Variants in TNFSF8 observed in about 807,000 individuals in gnomAD.
TNFSF8 encodes the protein TNF superfamily member 8.
In TNFSF8, 4 loss-of-function variants were observed where a neutral mutation model predicts 22.0. The observed-to-expected ratio is 0.18, with a 90% confidence interval of 0.09 to 0.42. The LOEUF is 0.42. TNFSF8 is among the 10% of genes least tolerant of loss of function. The probability of loss-of-function intolerance (pLI) is 1.00; values close to 1 mark genes in which losing one functional copy is unlikely to be tolerated. For missense variants in TNFSF8, 233 were observed against 281.8 expected (o/e 0.83, Z 1.24); for synonymous variants, 106 against 112.5 (o/e 0.94, Z 0.37).
exon 5 of TNFSF8, chr9:114,893,823 TGG>T: frequency 2.3e-6 from 1 of 444,170 alleles, no homozygotes; most frequent in Non-Finnish European, 4.1e-6. Flanking sequence ...TGATTAATTC[TGG>T]GAAGGAAATG....
At chr9:114,915,518 G>GCCT (rs1827907922) in intron 2 of TNFSF8, among the ~76,000 whole-genome samples, 1 of 152,184 alleles carries the variant, frequency 6.6e-6, no homozygotes, top group South Asian at 2.1e-4. Flanking sequence ...GTCAGGTACT[G>GCCT]CCTCCAGCAG....
intron 2 of TNFSF8, among the ~76,000 whole-genome samples, chr9:114,912,643 C>G (rs1030367004): frequency 3.3e-5 from 5 of 152,246 alleles, no homozygotes; most frequent in Non-Finnish European, 7.3e-5. Context: ...CCCGCCTCAG[C>G]CTCCCAAAGT....
chr9:114,919,158 T>C (rs1243133036), intron 1 of TNFSF8, among the ~76,000 whole-genome samples: 2 of 152,152 alleles, frequency 1.3e-5, no homozygotes, highest in Non-Finnish European at 2.9e-5. Flanking sequence ...GAGGACACCA[T>C]ACATAATTAA....
Position 114,904,303 on chromosome 9 carries a change from G to A in TNFSF8, c.333C>T (p.Thr111=), listed in dbSNP as rs149631713. Reference sequence around the variant, plus strand: ...TGCCATCTTTGTTCCAAGACAACTTGGTTTTGTTTAGATGCTTTGCCACTA... The same window carrying A: ...TGCCATCTTTGTTCCAAGACAACTTAGTTTTGTTTAGATGCTTTGCCACTA... The part of the protein sequence containing the change: ...YLQVAKHLNK[T]KLSWNKDGIL... Residue 111 remains threonine, a synonymous_variant, in exon 4 of 4, where the codon ACC becomes ACT. Transcript: ENST00000223795. 69 of 1,610,050 alleles carry A rather than the reference G, an allele frequency of 4.3e-5. No individual in the cohort carries two copies. The highest frequency in any genetic ancestry group is 5.5e-5 in the Non-Finnish European group (65 of 1,177,456).
At chr9:114,912,582 G>A (rs768155421) in intron 2 of TNFSF8, among the ~76,000 whole-genome samples, 1 of 152,116 alleles carries the variant, frequency 6.6e-6, no homozygotes, top group Non-Finnish European at 1.5e-5. Context: ...TTGAAGACAG[G>A]GTTTCACCAT....
At chr9:114,929,198 C>A (rs1428629342) in intron 1 of TNFSF8, among the ~76,000 whole-genome samples, 1 of 152,150 alleles carries the variant, frequency 6.6e-6, no homozygotes, top group East Asian at 1.9e-4. Context: ...TCCTCCTCTT[C>A]TGTTTTCAGA....
In TNFSF8 at chr9:114,901,469, C is replaced by T; in HGVS notation, c.*2462G>A. The T allele has an allele frequency of 1.0e-6, 1 of 985,344 alleles. No homozygotes were observed. The highest frequency in any genetic ancestry group is 1.2e-6 in the Non-Finnish European group (1 of 829,912). The allele number at this position is 985,344 out of a possible 1,614,324, so 61.0% of individuals were successfully genotyped here. ...AAGTCAGGTACCTCTGCTCAGAGAA[C>T]AGTTGGTGAAAAATGAAAATGGAAT... On this transcript the variant is annotated 3_prime_UTR_variant, in exon 4 of 4. Coordinates refer to ENST00000223795, the MANE Select transcript of TNFSF8 (RefSeq NM_001244.4).
At chr9:114,913,612 C>T (rs761781155) in intron 2 of TNFSF8, among the ~76,000 whole-genome samples, 6 of 152,148 alleles carry the variant, frequency 3.9e-5, no homozygotes, top group Admixed American at 6.5e-5. Flanking sequence ...GAAGGATTTG[C>T]GGTACTGAGT....
Position 114,894,142 on chromosome 9 carries a change from G to GT in TNFSF8, c.431dup (p.His144GlnfsTer17). ...CAGAGTCCAGGGTAGAGTGTGAATG[G>GT]TGGAGGATCATGCCACAGTAATCTG... On this transcript the variant is annotated frameshift_variant, in exon 5 of 5. Transcript: ENST00000618336. LOFTEE classifies it high-confidence loss of function. The GT allele has an allele frequency of 1.3e-6, 2 of 1,535,152 alleles. No homozygotes were observed. Among genetic ancestry groups the GT allele is most frequent in the Non-Finnish European group, 1.7e-6 (2 of 1,146,480 alleles).
intron 1 of TNFSF8, among the ~76,000 whole-genome samples, chr9:114,924,599 G>C (rs764166717): frequency 5.9e-5 from 9 of 152,022 alleles, no homozygotes; most frequent in Non-Finnish European, 8.8e-5. Flanking sequence ...AGGTGCCAAG[G>C]TTATATTAGC....
At chr9:114,927,117 TAATA>T (rs1387577301) in intron 1 of TNFSF8, among the ~76,000 whole-genome samples, 189 of 132,868 alleles carry the variant, frequency 1.4e-3, no homozygotes, top group South Asian at 2.9e-3. Context: ...TAATATAAAG[TAATA>T]TTATTATATA....
At chr9:114,928,057 C>A (rs1828085507) in intron 1 of TNFSF8, among the ~76,000 whole-genome samples, 1 of 151,992 alleles carries the variant, frequency 6.6e-6, no homozygotes, top group African/African-American at 2.4e-5. Context: ...ACTTTATATA[C>A]CACGGCTACT....
In TNFSF8 at chr9:114,924,263, C is replaced by T. The variant is rs547748248; in HGVS notation, c.195+5846G>A. 3.9e-5 allele frequency among the ~76,000 whole-genome samples: 6 copies of T among 152,272 alleles called. No individual in the cohort carries two copies. The South Asian group carries it at 6.2e-4, about 16-fold the overall frequency. The stretch of plus-strand genomic sequence containing the variant: ...ATTTCTAACAAGGCCCAGGACCACA[C>T]TTTAAAAAGCAAAGTTCTAGATTAA... On this transcript the variant is annotated intron_variant, in intron 1 of 3. Transcript: ENST00000223795.
intron 2 of TNFSF8, among the ~76,000 whole-genome samples, chr9:114,916,667 C>T (rs980886910): frequency 3.3e-5 from 5 of 152,172 alleles, no homozygotes; most frequent in Non-Finnish European, 5.9e-5. Flanking sequence ...CCTGCAGTGA[C>T]TCCTCCAATT....
chr9:114,907,506 A>C (rs1827799069), intron 2 of TNFSF8, among the ~76,000 whole-genome samples: 1 of 152,166 alleles, frequency 6.6e-6, no homozygotes, highest in African/African-American at 2.4e-5. Context: ...CCAGGGAGAC[A>C]GACCTGGCTG....
downstream of TNFSF8, among the ~76,000 whole-genome samples, chr9:114,898,300 C>T (rs1827678207): frequency 6.6e-6 from 1 of 152,148 alleles, no homozygotes; most frequent in African/African-American, 2.4e-5. Flanking sequence ...CCGTGCCTGG[C>T]TCAATGATGC....
At chr9:114,896,899 T>G (rs1458480160), downstream of TNFSF8, among the ~76,000 whole-genome samples, 2 of 152,218 alleles carry the variant, frequency 1.3e-5, no homozygotes, top group Non-Finnish European at 2.9e-5. Flanking sequence ...TGAAAATTCT[T>G]TTTTTCTTTC....
intron 1 of TNFSF8, among the ~76,000 whole-genome samples, chr9:114,920,318 C>T (rs1298246433): frequency 1.3e-5 from 2 of 152,168 alleles, no homozygotes; most frequent in Non-Finnish European, 2.9e-5. Context: ...GTGAGAGAGG[C>T]TAGAATAGCA....
At chr9:114,904,370 G>T in intron 3 of TNFSF8, 45 bp from the exon 4 acceptor site, 1 of 1,536,410 alleles carries the variant, frequency 6.5e-7, no homozygotes, top group South Asian at 1.3e-5. Context: ...GAAGATTGTA[G>T]GTACGCATTG....
Sources: gnomAD v4.1 joint callset for allele counts (sites outside exome capture counted in the v4.1 genomes callset) on GRCh38, gnomAD v4.1.1 for gene constraint, MANE v1.5 for transcripts, NCBI Gene and HGNC (gene_info 2026-07-23, HGNC 2026-07-21) for gene names.